CFAP47: variants seen among roughly 807,000 people sequenced by gnomAD.
CFAP47 encodes the protein cilia- and flagella-associated protein 47.
In CFAP47, 29 loss-of-function variants were observed where a neutral mutation model predicts 148.1. The observed-to-expected ratio is 0.20, with a 90% confidence interval of 0.15 to 0.27. The LOEUF (loss-of-function observed/expected upper bound fraction) is 0.27. Ranked by LOEUF, CFAP47 falls within the 10% of genes least tolerant of loss-of-function variation. The pLI is 1.00. For synonymous variants in CFAP47, 664 were observed against 577.3 expected, an observed-to-expected ratio of 1.15 and a Z score of -2.15; for missense variants, 1,872 against 1,697.5, an observed-to-expected ratio of 1.10 and a Z score of -1.81.
rs891746294 is a variant in CFAP47, at chrX:36,237,964, G to A, written c.7332+1105G>A. On this transcript the variant is annotated intron_variant, in intron 48 of 63. Coordinates refer to ENST00000378653, the MANE Select transcript of CFAP47 (RefSeq NM_001304548.2). ...ATGAAACTCTTATCTTCTCATGTCC[G>A]AGTAAAATTATTCAGTGCCATCTCT... 1.4e-4 allele frequency among the ~76,000 whole-genome samples: 16 copies of A among 111,347 alleles called. No individual in the cohort carries two copies. In the East Asian group the frequency reaches 3.4e-3, roughly 24 times the overall value.
rs1285906737 is a variant in CFAP47, at chrX:36,177,219, T to A, written c.6027-2126T>A. 2.0e-4 allele frequency among the ~76,000 whole-genome samples: 22 copies of A among 112,206 alleles called. 1 individual carries two copies. In the Admixed American group the frequency reaches 2.1e-3, roughly 11 times the overall value. ...CGTGCTCTTTGTATTTAAGCAGGGATGATTCAGACACATGTAGATTGCTAT... is the reference window on the plus strand; with the variant it reads ...CGTGCTCTTTGTATTTAAGCAGGGAAGATTCAGACACATGTAGATTGCTAT... On this transcript the variant is annotated intron_variant, in intron 39 of 63. Coordinates refer to ENST00000378653, the MANE Select transcript of CFAP47 (RefSeq NM_001304548.2).
chrX:36,096,421 T>G (rs747893792), intron 30 of CFAP47, among the ~76,000 whole-genome samples: 96 of 111,204 alleles, frequency 8.6e-4, no homozygotes, highest in African/African-American at 3.1e-3. Context: ...GTCTGGAATA[T>G]CTGTCAAATG....
chrX:36,193,396 T>C (rs1400306850), intron 42 of CFAP47, among the ~76,000 whole-genome samples: 1 of 111,973 alleles, frequency 8.9e-6, no homozygotes, highest in African/African-American at 3.2e-5. Flanking sequence ...CTTGAGGAAC[T>C]GAGTATTATT....
intron 30 of CFAP47, 43 bp downstream of exon 30, chrX:36,085,581 T>G: frequency 4.7e-6 from 4 of 842,564 alleles, no homozygotes; most frequent in African/African-American, 2.0e-5. Context: ...AACTCTGGCT[T>G]GGATAGTTAG....
chrX:35,954,052 G>C (rs1477420739), intron 7 of CFAP47, among the ~76,000 whole-genome samples: 1 of 110,784 alleles, frequency 9.0e-6, no homozygotes, highest in African/African-American at 3.3e-5. Flanking sequence ...GATTGGTATG[G>C]GGACAAATGA....
intron 21 of CFAP47, among the ~76,000 whole-genome samples, chrX:36,003,860 G>GA (rs770199599): frequency 9.2e-6 from 1 of 108,625 alleles, no homozygotes; most frequent in South Asian, 3.9e-4. Flanking sequence ...TCTATATATA[G>GA]AAAATCACAT....
intron 13 of CFAP47, 50 bp downstream of exon 13, chrX:35,972,015 A>G (rs1056291664): frequency 1.3e-6 from 1 of 777,056 alleles, no homozygotes; most frequent in African/African-American, 2.3e-5. Flanking sequence ...TATAAAAAAA[A>G]GATTTCTTAA....
chrX:36,057,440 T>A (rs1489733129), intron 26 of CFAP47, among the ~76,000 whole-genome samples: 5 of 111,682 alleles, frequency 4.5e-5, no homozygotes, highest in Admixed American at 1.9e-4. Context: ...TCAACAACCC[T>A]GTGAAATAAA....
At chrX:36,122,215 C>T (rs1421217515) in intron 33 of CFAP47, among the ~76,000 whole-genome samples, 2 of 111,369 alleles carry the variant, frequency 1.8e-5, no homozygotes, top group Non-Finnish European at 3.8e-5. Flanking sequence ...TCTCTTACTG[C>T]TTTTAGGATT....
intron 51 of CFAP47, among the ~76,000 whole-genome samples, chrX:36,291,855 C>A (rs111697288): frequency 5.4e-5 from 6 of 110,831 alleles, no homozygotes; most frequent in Admixed American, 2.9e-4. Flanking sequence ...CATATATATA[C>A]GTAGAGAATA....
intron 40 of CFAP47, among the ~76,000 whole-genome samples, chrX:36,185,648 TA>T (rs1303093322): frequency 2.7e-5 from 3 of 112,210 alleles, no homozygotes; most frequent in Admixed American, 9.5e-5. Flanking sequence ...AACAAAATAC[TA>T]TGGACTGGAT....
rs1001715648 is a variant in CFAP47, at chrX:36,205,519, G to A, written c.6817+409G>A. On this transcript the variant is annotated intron_variant, in intron 45 of 63. Transcript: ENST00000378653. ...AAAGGAAAAATGTTGATGGCTAGAGGTTATCAGAGGAGAAGAATGTGTTAT... is the reference window on the plus strand; with the variant it reads ...AAAGGAAAAATGTTGATGGCTAGAGATTATCAGAGGAGAAGAATGTGTTAT... 2.7e-5 allele frequency among the ~76,000 whole-genome samples: 3 copies of A among 111,321 alleles called. No homozygotes were observed. The East Asian group carries it at 8.5e-4, about 32-fold the overall frequency.
At chrX:35,973,139 A>G (rs749151239) in intron 13 of CFAP47, among the ~76,000 whole-genome samples, 2 of 112,196 alleles carry the variant, frequency 1.8e-5, no homozygotes, top group Non-Finnish European at 3.8e-5. Context: ...ATGTCTATGT[A>G]TGTCATATAT....
intron 57 of CFAP47, among the ~76,000 whole-genome samples, chrX:36,343,772 T>C (rs1355230676): frequency 9.0e-6 from 1 of 111,377 alleles, no homozygotes; most frequent in Non-Finnish European, 1.9e-5. Context: ...GGGAAAACCA[T>C]AGAAAATAAA....
In CFAP47 at chrX:35,966,614, A is replaced by G. The variant is rs1422893548; in HGVS notation, c.1460A>G (p.Lys487Arg). 7 of 1,136,325 alleles carry G rather than the reference A, an allele frequency of 6.2e-6. No homozygotes were observed. The East Asian group carries it at 2.3e-4, about 37-fold the overall frequency. The allele number at this position is 1,136,325 out of a possible 1,213,427, so 93.6% of individuals were successfully genotyped here. A position where few individuals can be genotyped will look rare whatever the true frequency, so the allele number is the denominator to read the frequency against. ...VPHQLGVFKVKQMIEIIGLVA... is the reference protein window; with the variant it reads ...VPHQLGVFKVRQMIEIIGLVA... Reference sequence around the variant, plus strand: ...CATCAACTTGGAGTCTTCAAAGTGAAGCAGATGATAGAGATTATTGGTTTA... The same window carrying G: ...CATCAACTTGGAGTCTTCAAAGTGAGGCAGATGATAGAGATTATTGGTTTA... The change falls in exon 9 of 64, where the codon AAG (lysine) becomes AGG (arginine). Residue 487 changes from lysine (K) to arginine (R), a missense_variant. Physicochemically the swap from Lys to Arg is conservative, Grantham distance 26 (BLOSUM62 2). Coordinates refer to ENST00000378653, the MANE Select transcript of CFAP47 (RefSeq NM_001304548.2).
At chrX:36,222,794 G>T (rs1412446569) in intron 45 of CFAP47, among the ~76,000 whole-genome samples, 5 of 110,881 alleles carry the variant, frequency 4.5e-5, no homozygotes, top group Non-Finnish European at 9.5e-5. Flanking sequence ...AGATACTCAT[G>T]TACATGCCTA....
At chrX:36,288,757 G>A (rs782486179) in intron 51 of CFAP47, among the ~76,000 whole-genome samples, 4 of 111,110 alleles carry the variant, frequency 3.6e-5, no homozygotes, top group African/African-American at 9.8e-5. Flanking sequence ...GTGAGACCAG[G>A]TGCGGTGGCT....
At chrX:36,292,524 G>T (rs1300847003) in intron 51 of CFAP47, among the ~76,000 whole-genome samples, 2 of 111,691 alleles carry the variant, frequency 1.8e-5, no homozygotes, top group African/African-American at 3.3e-5. Flanking sequence ...CTTTTATAAT[G>T]AACTTGTGAT....
At chrX:36,318,703 C>A (rs903108831) in intron 56 of CFAP47, among the ~76,000 whole-genome samples, 1 of 111,956 alleles carries the variant, frequency 8.9e-6, no homozygotes, top group Non-Finnish European at 1.9e-5. Flanking sequence ...GGATATGGAA[C>A]CCATGGATAC....
Sources: gnomAD v4.1 joint callset for allele counts (sites outside exome capture counted in the v4.1 genomes callset) on GRCh38, gnomAD v4.1.1 for gene constraint, MANE v1.5 for transcripts, NCBI Gene and HGNC (gene_info 2026-07-23, HGNC 2026-07-21) for gene names.